The following MICAL3 variants were observed in gnomAD, a reference collection of about 807,000 sequenced individuals.
The protein encoded by MICAL3 is [F-actin]-monooxygenase MICAL3.
In MICAL3, 62 loss-of-function variants were observed where a neutral mutation model predicts 207.4. The observed-to-expected ratio is 0.30, with a 90% CI of 0.24 to 0.37. MICAL3 has a LOEUF of 0.37. Ranked by LOEUF, MICAL3 falls within the 10% of genes least tolerant of loss-of-function variation. The pLI is 1.00. For synonymous variants in MICAL3, 1,077 were observed against 1,069.3 expected, an observed-to-expected ratio of 1.01 and a Z score of -0.14; for missense variants, 2,368 against 2,635.6, an observed-to-expected ratio of 0.90 and a Z score of 2.22.
At chr22:17,830,109 C>T (rs1006430286) in intron 21 of MICAL3, among the ~76,000 whole-genome samples, 1 of 152,110 alleles carries the variant, frequency 6.6e-6, no homozygotes, top group African/African-American at 2.4e-5. Context: ...AGGTACCTGG[C>T]GCCACTGGCC....
intron 1 of MICAL3, among the ~76,000 whole-genome samples, chr22:17,912,897 T>A (rs12330088): frequency 0.01 from 1,584 of 152,376 alleles, 26 homozygotes; most frequent in African/African-American, 0.036. Context: ...ATCTTTGTCT[T>A]GTTCCTGATC....
chr22:17,838,358 G>A (rs1409231850), intron 20 of MICAL3, among the ~76,000 whole-genome samples: 6 of 152,210 alleles, frequency 3.9e-5, no homozygotes, highest in African/African-American at 1.4e-4. Flanking sequence ...CGGACAGGGT[G>A]AGCTTGAGCC....
rs146606234 is a variant in MICAL3 at position 17,979,842 on chromosome 22, A to G, written c.-75+44439T>C. On this transcript the variant is annotated intron_variant, in intron 1 of 31. Transcript: ENST00000441493. ...TTTGTTGTTGTTTTTGGTTTTTTAT[A>G]ATTTTTGACACAGGGTCTCACTTTG... 5.3e-5 allele frequency among the ~76,000 whole-genome samples: 8 copies of G among 151,870 alleles called. No homozygotes were observed. The East Asian group carries it at 1.4e-3, about 26-fold the overall frequency.
chr22:17,791,097 C>T (rs1483859564), intron 30 of MICAL3, 26 bp from the exon 31 acceptor site: 1 of 1,608,414 alleles, frequency 6.2e-7, no homozygotes, highest in East Asian at 2.2e-5. Flanking sequence ...AGGAGGGAGA[C>T]AAGCCACAGT....
chr22:17,828,740 C>T (rs1462858121), intron 21 of MICAL3, among the ~76,000 whole-genome samples: 1 of 152,164 alleles, frequency 6.6e-6, no homozygotes, highest in African/African-American at 2.4e-5. Flanking sequence ...CCGTGCCACA[C>T]AGTTGGGTTA....
At chr22:17,873,769 G>A (rs904256446) in intron 16 of MICAL3, among the ~76,000 whole-genome samples, 6 of 152,234 alleles carry the variant, frequency 3.9e-5, no homozygotes, top group African/African-American at 1.4e-4. Context: ...TCACACCTAA[G>A]CTGGGTGCCC....
At chr22:17,948,047 T>C (rs1934157951) in intron 1 of MICAL3, among the ~76,000 whole-genome samples, 1 of 151,658 alleles carries the variant, frequency 6.6e-6, no homozygotes, top group African/African-American at 2.4e-5. Context: ...CTCAAGCCTC[T>C]GCTCCTGTAA....
rs767858114 is a variant in MICAL3 at position 17,803,656 on chromosome 22, C to G, written c.5650+5188G>C. The G allele has an allele frequency of 1.6e-4, 29 of 178,778 alleles. 1 individual carries two copies. Among genetic ancestry groups the G allele is most frequent in the Admixed American group, 1.3e-4 (2 of 15,332 alleles). 11.1% of individuals were successfully genotyped at this position (178,778 alleles called of 1,614,324 possible). ...CACATGTGGGCAGCGGGGAGATCAG[C>G]ACGCTGCTCTGTTTTGAGCTGGAAA... On this transcript the variant is annotated intron_variant, in intron 29 of 31. Coordinates refer to ENST00000441493, the MANE Select transcript of MICAL3 (RefSeq NM_015241.3).
chr22:17,985,797 C>T (rs1437741594), intron 1 of MICAL3, among the ~76,000 whole-genome samples: 1 of 152,130 alleles, frequency 6.6e-6, no homozygotes, highest in Non-Finnish European at 1.5e-5. Flanking sequence ...GCATCTTCAC[C>T]CTCCTTTAGG....
At chr22:17,961,037 G>A (rs975958159) in intron 1 of MICAL3, among the ~76,000 whole-genome samples, 18 of 152,110 alleles carry the variant, frequency 1.2e-4, no homozygotes, top group African/African-American at 4.1e-4. Flanking sequence ...CATCGCTACC[G>A]TGTGTTACCA....
At chr22:17,819,527 A>G (rs1475962714) in intron 25 of MICAL3, among the ~76,000 whole-genome samples, 2 of 152,180 alleles carry the variant, frequency 1.3e-5, no homozygotes, top group Non-Finnish European at 2.9e-5. Flanking sequence ...GACTTACCAC[A>G]GCTATTTATC....
At chr22:17,960,041 TTCTC>T (rs1934826044) in intron 1 of MICAL3, among the ~76,000 whole-genome samples, 1 of 152,168 alleles carries the variant, frequency 6.6e-6, no homozygotes, top group East Asian at 1.9e-4. Flanking sequence ...AAAAGGAGGC[TTCTC>T]TCTCAGCCTC....
intron 1 of MICAL3, among the ~76,000 whole-genome samples, chr22:17,995,496 T>A (rs1318398513): frequency 2.5e-5 from 2 of 80,752 alleles, no homozygotes; most frequent in Non-Finnish European, 5.3e-5. Context: ...CTTTAATTTT[T>A]TTTTTTTTTT....
rs1932175347 is a variant in MICAL3, at chr22:17,911,993, T to A, written c.-74-5107A>T. 1.3e-5 allele frequency among the ~76,000 whole-genome samples: 2 copies of A among 151,280 alleles called. 1 individual carries two copies. The highest frequency in any genetic ancestry group is 4.2e-4 in the South Asian group (2 of 4,804). ...TTTGAAAAGCCTGTCCTTTCCGTACTGAGTAGTCCTGGTATCCTTGTCAAA... is the reference window on the plus strand; with the variant it reads ...TTTGAAAAGCCTGTCCTTTCCGTACAGAGTAGTCCTGGTATCCTTGTCAAA... On this transcript the variant is annotated intron_variant, in intron 1 of 31. Coordinates refer to ENST00000441493, the MANE Select transcript of MICAL3 (RefSeq NM_015241.3).
At chr22:17,909,178 C>T (rs965604257) in intron 1 of MICAL3, among the ~76,000 whole-genome samples, 7 of 152,134 alleles carry the variant, frequency 4.6e-5, no homozygotes, top group African/African-American at 9.7e-5. Flanking sequence ...CTGGGCTTTT[C>T]GCCTCAAATA....
At chr22:17,959,006 TG>T (rs1243661640) in intron 1 of MICAL3, among the ~76,000 whole-genome samples, 118 of 126,210 alleles carry the variant, frequency 9.3e-4, no homozygotes, top group Middle Eastern at 4.6e-3. Flanking sequence ...GCGCCGGGCC[TG>T]GGGTTTTTTT....
intron 16 of MICAL3, chr22:17,879,404 T>C: frequency 6.2e-7 from 1 of 1,611,516 alleles, no homozygotes; most frequent in Non-Finnish European, 8.5e-7. Flanking sequence ...CCTGTATGTC[T>C]GTTGGCAACA....
At chr22:17,843,210 C>T (rs1291759146) in intron 19 of MICAL3, among the ~76,000 whole-genome samples, 1 of 150,190 alleles carries the variant, frequency 6.7e-6, no homozygotes, top group Non-Finnish European at 1.5e-5. Flanking sequence ...TAACTTTATA[C>T]TTTCAAGTAC....
chr22:17,860,132 G>T (rs1056190114), intron 19 of MICAL3: 1 of 923,442 alleles, frequency 1.1e-6, no homozygotes, highest in East Asian at 1.2e-4. Flanking sequence ...AAGAGAAAGG[G>T]AAGGAAAAGA....
Sources: gnomAD v4.1 joint callset for allele counts (sites outside exome capture counted in the v4.1 genomes callset) on GRCh38, gnomAD v4.1.1 for gene constraint, MANE v1.5 for transcripts, NCBI Gene and HGNC (gene_info 2026-07-23, HGNC 2026-07-21) for gene names.